Variants in TSPAN18 observed in about 807,000 individuals in gnomAD.
TSPAN18 encodes the protein tetraspanin 18, also known as tetraspanin-18.
Under a neutral mutation model 27.3 loss-of-function variants are expected in TSPAN18, and 14 were observed. The ratio of observed to expected loss-of-function variants is 0.51; its 90% CI spans 0.34 to 0.80. TSPAN18 has a LOEUF of 0.80. Among genes scored for constraint, TSPAN18 ranks in the 30% least tolerant of loss-of-function variants. The probability of loss-of-function intolerance (pLI) is 0.01; values close to 1 mark genes in which losing one functional copy is unlikely to be tolerated. For synonymous variants in TSPAN18, 143 were observed against 136.5 expected (o/e 1.05, Z -0.33); for missense variants, 268 against 323.9 (o/e 0.83, Z 1.32).
At chr11:44,802,512 A>G (rs1856503735) in intron 2 of TSPAN18, among the ~76,000 whole-genome samples, 1 of 152,104 alleles carries the variant, frequency 6.6e-6, no homozygotes, top group African/African-American at 2.4e-5. Flanking sequence ...TTATTGGAGC[A>G]AAAGTAGGAG....
intron 1 of TSPAN18, among the ~76,000 whole-genome samples, chr11:44,735,202 C>T (rs1003042203): frequency 1.3e-5 from 2 of 152,208 alleles, no homozygotes; most frequent in African/African-American, 4.8e-5. Flanking sequence ...GTGACTGTGG[C>T]ACCTTGGGGC....
intron 2 of TSPAN18, among the ~76,000 whole-genome samples, chr11:44,803,786 T>G (rs1856533222): frequency 6.6e-6 from 1 of 152,086 alleles, no homozygotes; most frequent in African/African-American, 2.4e-5. Context: ...TTATTGAGGC[T>G]ACTAAGAAAA....
At chr11:44,797,130 T>G (rs531925798) in intron 2 of TSPAN18, among the ~76,000 whole-genome samples, 54 of 152,312 alleles carry the variant, frequency 3.5e-4, no homozygotes, top group Admixed American at 2.0e-3. Flanking sequence ...AAATCCGTAG[T>G]AACAACCCCT....
rs767363517 is a variant in TSPAN18, at chr11:44,897,864, T to C, written c.-10-8543T>C. The C allele has an allele frequency of 6.2e-6, 8 of 1,289,354 alleles. No individual in the cohort carries two copies. In the South Asian group the frequency reaches 9.9e-5, roughly 16 times the overall value. 79.9% of individuals were successfully genotyped at this position (1,289,354 alleles called of 1,614,324 possible). A position where few individuals can be genotyped will look rare whatever the true frequency, so the allele number is the denominator to read the frequency against. Reference sequence around the variant, plus strand: ...GGCAATAGCCTCTCCCTTCTCAGTGTACCTCTGCCCCATCACCTGACACGG... The same window carrying C: ...GGCAATAGCCTCTCCCTTCTCAGTGCACCTCTGCCCCATCACCTGACACGG... On this transcript the variant is annotated intron_variant, in intron 3 of 9. Coordinates refer to ENST00000520358, the MANE Select transcript of TSPAN18 (RefSeq NM_130783.5).
chr11:44,922,359 T>C (rs1345870479), intron 8 of TSPAN18, among the ~76,000 whole-genome samples: 1 of 152,186 alleles, frequency 6.6e-6, no homozygotes, highest in Non-Finnish European at 1.5e-5. Flanking sequence ...CCTCAAATGA[T>C]CCACCCTCTT....
chr11:44,926,028 A>G (rs1768836911), intron 8 of TSPAN18, among the ~76,000 whole-genome samples: 1 of 152,140 alleles, frequency 6.6e-6, no homozygotes, highest in Admixed American at 6.6e-5. Context: ...TGCTTAAGAA[A>G]GCAGTAAGAT....
intron 3 of TSPAN18, among the ~76,000 whole-genome samples, chr11:44,892,827 C>T (rs1010402991): frequency 7.2e-5 from 11 of 152,208 alleles, no homozygotes; most frequent in African/African-American, 2.7e-4. Context: ...GCTAGTGAGC[C>T]GCAGTTTCCT....
intron 1 of TSPAN18, among the ~76,000 whole-genome samples, chr11:44,746,573 G>A (rs1199469837): frequency 6.6e-6 from 1 of 152,014 alleles, no homozygotes; most frequent in African/African-American, 2.4e-5. Context: ...GGACAACATC[G>A]GGGGCCCTCT....
intron 3 of TSPAN18, among the ~76,000 whole-genome samples, chr11:44,875,480 C>T (rs1032208083): frequency 7.2e-5 from 11 of 152,220 alleles, no homozygotes; most frequent in Admixed American, 1.3e-4. Context: ...TCTTACCTAC[C>T]GACCTTCCCT....
intron 3 of TSPAN18, among the ~76,000 whole-genome samples, chr11:44,866,432 C>G (rs1303419636): frequency 1.3e-5 from 2 of 152,194 alleles, no homozygotes; most frequent in East Asian, 3.9e-4. Flanking sequence ...TGAGCCCACA[C>G]AGGGGCCCCG....
intron 3 of TSPAN18, among the ~76,000 whole-genome samples, chr11:44,887,816 C>T (rs1050855621): frequency 6.6e-6 from 1 of 152,174 alleles, no homozygotes; most frequent in Non-Finnish European, 1.5e-5. Flanking sequence ...GAGTACCCAG[C>T]GCTCCCCTGG....
intron 1 of TSPAN18, among the ~76,000 whole-genome samples, chr11:44,740,620 T>A (rs1044601738): frequency 1.3e-5 from 2 of 152,172 alleles, no homozygotes; most frequent in Non-Finnish European, 2.9e-5. Flanking sequence ...ATGCAGAGAA[T>A]TAGCAAAGAA....
intron 1 of TSPAN18, among the ~76,000 whole-genome samples, chr11:44,749,636 T>C (rs376850015): frequency 6.2e-5 from 9 of 146,086 alleles, no homozygotes; most frequent in Middle Eastern, 3.4e-3. Flanking sequence ...AACTTTCTTT[T>C]TTTTTTTTTT....
chr11:44,821,124 A>C (rs980549578), intron 2 of TSPAN18, among the ~76,000 whole-genome samples: 1 of 152,210 alleles, frequency 6.6e-6, no homozygotes, highest in Non-Finnish European at 1.5e-5. Context: ...GTGCAGAAAG[A>C]TAGATGAGGC....
At chr11:44,790,557 T>G (rs915869893) in intron 2 of TSPAN18, among the ~76,000 whole-genome samples, 4 of 150,760 alleles carry the variant, frequency 2.7e-5, no homozygotes, top group African/African-American at 9.7e-5. Context: ...TGTGTGTGCA[T>G]GTGTTCGTGT....
chr11:44,890,973 C>T (rs763031830), intron 3 of TSPAN18, among the ~76,000 whole-genome samples: 5 of 152,102 alleles, frequency 3.3e-5, no homozygotes, highest in African/African-American at 4.8e-5. Flanking sequence ...GAGTTCGAGA[C>T]CAGTCTGGGT....
intron 1 of TSPAN18, among the ~76,000 whole-genome samples, chr11:44,763,122 T>C (rs377411697): frequency 5.1e-4 from 78 of 152,226 alleles, no homozygotes; most frequent in African/African-American, 1.7e-3. Context: ...TCTCCTGGGG[T>C]TGTAAGGGGC....
chr11:44,793,006 G>A (rs1366139413), intron 2 of TSPAN18, among the ~76,000 whole-genome samples: 3 of 152,192 alleles, frequency 2.0e-5, no homozygotes, highest in East Asian at 1.9e-4. Context: ...ATGCTCCCAG[G>A]GGGAAGGGGA....
intron 2 of TSPAN18, among the ~76,000 whole-genome samples, chr11:44,797,780 T>C (rs844349): frequency 0.96 from 145,630 of 152,212 alleles, 69,997 homozygotes; most frequent in Non-Finnish European, 1. Context: ...GTGAAAAATT[T>C]GGGAGGAATT....
Sources: gnomAD v4.1 joint callset for allele counts (sites outside exome capture counted in the v4.1 genomes callset) on GRCh38, gnomAD v4.1.1 for gene constraint, MANE v1.5 for transcripts, NCBI Gene and HGNC (gene_info 2026-07-23, HGNC 2026-07-21) for gene names.